GRID2: variants seen among roughly 807,000 people sequenced by gnomAD.
GRID2 encodes the protein glutamate ionotropic receptor delta type subunit 2.
GRID2 carries 33 observed loss-of-function variants against 114.8 expected under a neutral mutation model. The observed-to-expected ratio is 0.29, with a 90% CI of 0.22 to 0.38. GRID2 has a LOEUF of 0.38. GRID2 is among the 10% of genes least tolerant of loss of function. The pLI, the probability that GRID2 is intolerant of heterozygous loss-of-function variation, is 1.00. For synonymous variants in GRID2, 505 were observed against 449.9 expected (o/e 1.12, Z -1.55); for missense variants, 1,184 against 1,257.7 (o/e 0.94, Z 0.89).
chr4:93,612,201 G>T (rs1434116911), intron 13 of GRID2, among the ~76,000 whole-genome samples: 5 of 150,150 alleles, frequency 3.3e-5, no homozygotes, highest in African/African-American at 1.2e-4. Flanking sequence ...GAGCCTATGT[G>T]TGTCTCTGCA....
intron 4 of GRID2, among the ~76,000 whole-genome samples, chr4:93,144,329 T>C (rs935435468): frequency 6.6e-6 from 1 of 152,234 alleles, no homozygotes; most frequent in African/African-American, 2.4e-5. Context: ...TGTGTTGTGA[T>C]TATTTTTAAG....
intron 4 of GRID2, among the ~76,000 whole-genome samples, chr4:93,147,606 A>C (rs1329851340): frequency 5.3e-5 from 8 of 152,178 alleles, no homozygotes; most frequent in Non-Finnish European, 1.0e-4. Context: ...TGCTTGCTTC[A>C]TGCTGTGAGC....
At chr4:92,601,019 C>A (rs1029794415) in intron 2 of GRID2, among the ~76,000 whole-genome samples, 2 of 151,934 alleles carry the variant, frequency 1.3e-5, no homozygotes, top group African/African-American at 4.8e-5. Context: ...CCACAGCCGT[C>A]CCTCCCCCAA....
chr4:93,283,519 A>T (rs905198659), intron 8 of GRID2, among the ~76,000 whole-genome samples: 7 of 152,050 alleles, frequency 4.6e-5, no homozygotes, highest in Non-Finnish European at 8.8e-5. Context: ...TCTGAGAATG[A>T]AGCCTAGGAA....
At chr4:92,668,294 C>T (rs1356745872) in intron 2 of GRID2, among the ~76,000 whole-genome samples, 1 of 151,716 alleles carries the variant, frequency 6.6e-6, no homozygotes, top group Non-Finnish European at 1.5e-5. Flanking sequence ...TTATCTTCCT[C>T]AATCTTTTCC....
intron 4 of GRID2, among the ~76,000 whole-genome samples, chr4:93,136,183 C>T (rs1313359579): frequency 6.6e-6 from 1 of 151,770 alleles, no homozygotes; most frequent in Non-Finnish European, 1.5e-5. Context: ...CCTCCGCAGG[C>T]TGTTCTTGTA....
At position 92,919,518 on chromosome 4, in the gene GRID2, T is replaced by C. The variant is rs967387828; in HGVS notation, c.245-165477T>C. Among the ~76,000 whole-genome samples the C allele has an allele frequency of 4.6e-5, 7 of 152,370 alleles. No individual in the cohort carries two copies. In the East Asian group the frequency reaches 1.4e-3, roughly 29 times the overall value. On this transcript the variant is annotated intron_variant, in intron 2 of 15. Coordinates refer to ENST00000282020, the MANE Select transcript of GRID2 (RefSeq NM_001510.4). Reference sequence around the variant, plus strand: ...CTATAAGTTTCCCTCTACACACTGCTTTGAATGTGTCCCAGAGATTCTGGT... The same window carrying C: ...CTATAAGTTTCCCTCTACACACTGCCTTGAATGTGTCCCAGAGATTCTGGT...
chr4:92,647,795 C>A (rs1182062577), intron 2 of GRID2, among the ~76,000 whole-genome samples: 1 of 149,530 alleles, frequency 6.7e-6, no homozygotes, highest in African/African-American at 2.5e-5. Flanking sequence ...TTATACTTAA[C>A]AAATTTAACA....
At chr4:93,546,301 G>A (rs560262542) in intron 13 of GRID2, among the ~76,000 whole-genome samples, 1 of 152,250 alleles carries the variant, frequency 6.6e-6, no homozygotes, top group East Asian at 1.9e-4. Flanking sequence ...AGAGCTCAAG[G>A]TGTGCGCAGT....
chr4:92,642,042 C>T (rs765587046), intron 2 of GRID2, among the ~76,000 whole-genome samples: 2 of 151,240 alleles, frequency 1.3e-5, no homozygotes, highest in South Asian at 4.2e-4. Context: ...TTGATAGGCG[C>T]CTAGGTTGAT....
intron 13 of GRID2, among the ~76,000 whole-genome samples, chr4:93,588,648 T>C (rs1737788743): frequency 6.6e-6 from 1 of 152,134 alleles, no homozygotes; most frequent in Non-Finnish European, 1.5e-5. Context: ...ATGAGAAACT[T>C]CCTTTAAAGG....
At chr4:93,094,581 T>C (rs1487837083) in intron 3 of GRID2, among the ~76,000 whole-genome samples, 1 of 151,960 alleles carries the variant, frequency 6.6e-6, no homozygotes, top group Non-Finnish European at 1.5e-5. Context: ...ATAGGTAATA[T>C]AATTTTAATG....
chr4:93,113,646 A>C (rs1005897836), intron 4 of GRID2, among the ~76,000 whole-genome samples: 3 of 152,212 alleles, frequency 2.0e-5, no homozygotes, highest in Non-Finnish European at 2.9e-5. Flanking sequence ...AAAATGAAAG[A>C]GTATCAGCAT....
intron 2 of GRID2, among the ~76,000 whole-genome samples, chr4:92,966,460 A>T (rs1030086068): frequency 2.0e-5 from 3 of 152,020 alleles, no homozygotes; most frequent in Admixed American, 2.0e-4. Flanking sequence ...TCCAGATTTC[A>T]GTGGGCTCTG....
intron 2 of GRID2, among the ~76,000 whole-genome samples, chr4:92,947,406 A>G (rs1447640104): frequency 1.3e-5 from 2 of 152,010 alleles, no homozygotes; most frequent in Non-Finnish European, 2.9e-5. Flanking sequence ...AGTATGTATC[A>G]TTGGCTGAAA....
At chr4:93,200,565 C>CAAAAAAAAAAACAAAAAACAAAAACA (rs1193157530) in intron 4 of GRID2, among the ~76,000 whole-genome samples, 1 of 102,312 alleles carries the variant, frequency 9.8e-6, no homozygotes, top group African/African-American at 4.8e-5. Flanking sequence ...GACTCCGTCT[C>CAAAAAAAAAAACAAAAAACAAAAACA]AAAACAAACA....
chr4:92,922,412 A>G (rs1014865959), intron 2 of GRID2, among the ~76,000 whole-genome samples: 12 of 152,092 alleles, frequency 7.9e-5, no homozygotes, highest in African/African-American at 2.9e-4. Flanking sequence ...TTGGAAATGC[A>G]GAAATCACCC....
chr4:92,578,791 A>G (rs976513440), intron 1 of GRID2, among the ~76,000 whole-genome samples: 15 of 151,774 alleles, frequency 9.9e-5, no homozygotes, highest in Non-Finnish European at 1.3e-4. Context: ...TGTAATTACC[A>G]TTTTGACATG....
At chr4:93,680,094 A>C (rs760744269) in intron 14 of GRID2, among the ~76,000 whole-genome samples, 1 of 149,508 alleles carries the variant, frequency 6.7e-6, no homozygotes, top group Non-Finnish European at 1.5e-5. Flanking sequence ...GATAAAGGGG[A>C]TATCACTGCC....
Sources: gnomAD v4.1 joint callset for allele counts (sites outside exome capture counted in the v4.1 genomes callset) on GRCh38, gnomAD v4.1.1 for gene constraint, MANE v1.5 for transcripts, NCBI Gene and HGNC (gene_info 2026-07-23, HGNC 2026-07-21) for gene names.